Variants in WDR35 observed in about 807,000 individuals in gnomAD.
WDR35 encodes WD repeat-containing protein 35.
A neutral mutation model predicts 158.3 loss-of-function variants in WDR35; 118 were observed. That is an observed-to-expected ratio of 0.75 (90% CI 0.64 to 0.87). The LOEUF (loss-of-function observed/expected upper bound fraction) is 0.87. Among genes scored for constraint, WDR35 ranks in the 40% least tolerant of loss-of-function variants. WDR35 has a pLI of 0.00. For synonymous variants in WDR35, 448 were observed against 476.1 expected (o/e 0.94, Z 0.77); for missense variants, 1,263 against 1,405.8 (o/e 0.90, Z 1.62).
At chr2:19,931,446 T>G (rs763317893) in intron 23 of WDR35, 37 bp from the exon 24 acceptor site, 2 of 1,608,374 alleles carry the variant, frequency 1.2e-6, no homozygotes, top group African/African-American at 2.7e-5. Context: ...AGTTACTTCT[T>G]ATCTATATTT....
chr2:19,948,913 CAA>C (rs989939090), intron 13 of WDR35, among the ~76,000 whole-genome samples: 1 of 127,746 alleles, frequency 7.8e-6, no homozygotes. Flanking sequence ...GACTCTGTCT[CAA>C]AAAAAAAAAA....
rs1390935177 is a variant in WDR35, at chr2:19,937,875, T to C, written c.2135A>G (p.Lys712Arg). The change falls in exon 19 of 27, where the codon AAA (lysine) becomes AGA (arginine). Residue 712 changes from lysine to arginine, a missense_variant. Physicochemically the swap from Lys to Arg is conservative, Grantham distance 26 (BLOSUM62 2). Coordinates refer to ENST00000281405, the MANE Select transcript of WDR35 (RefSeq NM_020779.4). The part of the protein sequence containing the change: ...YTAEQAFVRC[K>R]DYQGIKFVKR... ...CACAAACTTAATGCCTTGGTAATCTTTGCAGCGCACAAATGCTTGCTCTGC... is the reference window on the plus strand; with the variant it reads ...CACAAACTTAATGCCTTGGTAATCTCTGCAGCGCACAAATGCTTGCTCTGC... 1.5e-5 allele frequency: 24 copies of C among 1,614,066 alleles called. No individual in the cohort carries two copies. The highest frequency in any genetic ancestry group is 1.9e-5 in the Non-Finnish European group (23 of 1,180,030).
At position 19,946,550 on chromosome 2, in the gene WDR35, A is replaced by T. The variant is rs1479904878; in HGVS notation, c.1545T>A (p.Ile515=). ...CAACATTAGGTAGACTGTATCTCTG[A>T]ATGGTGCCAGATTCACGACCCTATG... The part of the protein sequence containing the change: ...ILIVGRESGT[I]QRYSLPNVGL... Residue 515 remains isoleucine, a synonymous_variant, in exon 15 of 27, where the codon ATT becomes ATA. Transcript: ENST00000281405. The T allele has an allele frequency of 6.2e-7, 1 of 1,613,450 alleles. No homozygotes were observed. The highest frequency in any genetic ancestry group is 2.2e-5 in the East Asian group (1 of 44,800).
chr2:19,919,376 ATC>A (rs1238391150), intron 25 of WDR35, among the ~76,000 whole-genome samples: 35 of 112,808 alleles, frequency 3.1e-4, no homozygotes, highest in African/African-American at 1.1e-3. Context: ...GCAAGGCTCC[ATC>A]TCAAAAAAAA....
At chr2:19,941,632 G>T in intron 17 of WDR35, 127 bp downstream of exon 17, 1 of 651,818 alleles carries the variant, frequency 1.5e-6, no homozygotes, top group Non-Finnish European at 2.7e-6. Flanking sequence ...AACAATAAGA[G>T]AGCAGGGCTG....
At chr2:19,978,729 C>G (rs1259824475) in intron 5 of WDR35, 22 bp downstream of exon 5, 2 of 1,613,302 alleles carry the variant, frequency 1.2e-6, no homozygotes, top group Admixed American at 3.3e-5. Flanking sequence ...GATCTTAGTT[C>G]TATGTCCAAT....
In WDR35 at chr2:19,936,331, C is replaced by T. The variant is rs762377094; in HGVS notation, c.2302G>A (p.Asp768Asn). The change falls in exon 20 of 27, where the codon GAT (aspartate) becomes AAT (asparagine). Residue 768 changes from aspartate (D) to asparagine (N), a missense_variant. Coordinates refer to ENST00000281405, the MANE Select transcript of WDR35 (RefSeq NM_020779.4). ...LAIGLRLKLG[D>N]WFRVLQLLKT... ...AGGAGCTGGAGTACTCTAAACCAAT[C>T]CCCCAATTTCAGCCGGAGGCCAATA... 2 of 1,614,006 alleles carry T rather than the reference C, an allele frequency of 1.2e-6. No individual in the cohort carries two copies. The highest frequency in any genetic ancestry group is 2.2e-5 in the East Asian group (1 of 44,880).
chr2:19,950,218 C>T (rs192181081), intron 13 of WDR35, among the ~76,000 whole-genome samples: 98 of 151,714 alleles, frequency 6.5e-4, no homozygotes, highest in African/African-American at 2.1e-3. Flanking sequence ...AAGGAAAAGC[C>T]AGAGATAAAA....
In WDR35 at chr2:19,937,761, T is replaced by C. The variant is rs777823084; in HGVS notation, c.2249A>G (p.Tyr750Cys). 10 of 1,614,030 alleles carry C rather than the reference T, an allele frequency of 6.2e-6. No homozygotes were observed. Among genetic ancestry groups the C allele is most frequent in the Non-Finnish European group, 7.6e-6 (9 of 1,179,996 alleles). ...FGRFEEAERT[Y>C]LEMDRRDLAI... is the part of the protein sequence containing the mutation. ...AACTTACCTTCTGTCCATCTCGAGA[T>C]ACGTTCTTTCAGCCTCTTCAAACCT... The change falls in exon 19 of 27, where the codon TAT becomes TGT. Residue 750 changes from tyrosine (Y) to cysteine (C), a missense_variant. Transcript: ENST00000281405.
intron 9 of WDR35, 148 bp from the exon 10 acceptor site, chr2:19,967,057 G>A: frequency 1.4e-6 from 1 of 726,522 alleles, no homozygotes; most frequent in Non-Finnish European, 2.2e-6. Flanking sequence ...TTCAGAAATA[G>A]AAGACAGATT....
At chr2:19,989,924 A>T in intron 1 of WDR35, 68 bp downstream of exon 1, 1 of 1,604,350 alleles carries the variant, frequency 6.2e-7, no homozygotes, top group Non-Finnish European at 8.5e-7. Flanking sequence ...GCTTCTCGGG[A>T]AGGCAGCGGG....
At position 19,953,951 on chromosome 2, in the gene WDR35, G is replaced by C. The variant is rs1396608969; in HGVS notation, c.1283C>G (p.Thr428Ser). Residue 428 changes from threonine to serine, a missense_variant, in exon 12 of 27, where the codon ACC (threonine) becomes AGC (serine). Physicochemically the swap from Thr to Ser is moderately conservative, Grantham distance 58 (BLOSUM62 1). Transcript: ENST00000281405. Reference sequence around the variant, plus strand: ...TTCTTTCGAGGCTGCTATCACATGGGTTTTGGTCATTGCAACAAACAATGG... The same window carrying C: ...TTCTTTCGAGGCTGCTATCACATGGCTTTTGGTCATTGCAACAAACAATGG... ...IVPLFVAMTKTHVIAASKEAF... is the reference protein window; with the variant it reads ...IVPLFVAMTKSHVIAASKEAF... 3 of 1,613,966 alleles carry C rather than the reference G, an allele frequency of 1.9e-6. No homozygotes were observed. Among genetic ancestry groups the C allele is most frequent in the Admixed American group, 3.3e-5 (2 of 60,002 alleles).
At chr2:19,968,922 G>A (rs116380356) in intron 9 of WDR35, among the ~76,000 whole-genome samples, 1,641 of 152,222 alleles carry the variant, frequency 0.011, 34 homozygotes, top group African/African-American at 0.036. Flanking sequence ...TACGAACTCC[G>A]TCACCTGGGC....
chr2:19,941,168 A>G (rs1010484105), intron 17 of WDR35, among the ~76,000 whole-genome samples: 5 of 152,220 alleles, frequency 3.3e-5, no homozygotes, highest in Non-Finnish European at 4.4e-5. Flanking sequence ...AAATGAAGGT[A>G]AAACTTCTCT....
At chr2:19,938,503 A>T in intron 17 of WDR35, 102 bp from the exon 18 acceptor site, 1 of 1,429,386 alleles carries the variant, frequency 7.0e-7, no homozygotes, top group South Asian at 1.3e-5. Flanking sequence ...AAGAAAAAAA[A>T]CGGCATCATA....
At chr2:19,966,143 C>T (rs1671844738) in intron 10 of WDR35, among the ~76,000 whole-genome samples, 1 of 152,158 alleles carries the variant, frequency 6.6e-6, no homozygotes, top group Non-Finnish European at 1.5e-5. Flanking sequence ...AAACTCTATA[C>T]TTTTTAATGG....
chr2:19,969,734 A>T (rs1334741570), intron 8 of WDR35, 129 bp from the exon 9 acceptor site: 26 of 1,042,484 alleles, frequency 2.5e-5, no homozygotes, highest in Non-Finnish European at 3.4e-5. Flanking sequence ...TCACTTTAAA[A>T]TCATGTTTCT....
intron 25 of WDR35, among the ~76,000 whole-genome samples, chr2:19,924,578 A>G (rs930027028): frequency 1.3e-5 from 2 of 152,184 alleles, no homozygotes; most frequent in Non-Finnish European, 2.9e-5. Flanking sequence ...CAAAAAGGTG[A>G]TTGCAGATTT....
rs7572536 is a variant in WDR35 at position 19,966,517 on chromosome 2, A to G, written c.1194+207T>C. Among the ~76,000 whole-genome samples, 69,508 of 151,898 alleles carry G rather than the reference A, an allele frequency of 0.46. 16,116 individuals carry two copies. The highest frequency in any genetic ancestry group is 0.64 in the East Asian group (3,290 of 5,154). ...ATTAAACCAGTCAGTATGAATTGCC[A>G]TAAGATTAGCTGCTTGAAGAAAAAA... On this transcript the variant is annotated intron_variant, in intron 10 of 26. Transcript: ENST00000281405.
Sources: gnomAD v4.1 joint callset for allele counts (sites outside exome capture counted in the v4.1 genomes callset) on GRCh38, gnomAD v4.1.1 for gene constraint, MANE v1.5 for transcripts, NCBI Gene and HGNC (gene_info 2026-07-23, HGNC 2026-07-21) for gene names.